ERBIN: variants seen among roughly 807,000 people sequenced by gnomAD.
ERBIN encodes the protein erbb2 interacting protein, also known as densin-180-like protein.
A neutral mutation model predicts 158.4 loss-of-function variants in ERBIN; 60 were observed. The ratio of observed to expected loss-of-function variants is 0.38; its 90% CI spans 0.31 to 0.47. The LOEUF is 0.47. ERBIN is among the 20% of genes least tolerant of loss of function. The pLI is 0.99. For synonymous variants in ERBIN, 594 were observed against 557.2 expected, an observed-to-expected ratio of 1.07 and a Z score of -0.93; for missense variants, 1,610 against 1,648.0, an observed-to-expected ratio of 0.98 and a Z score of 0.40.
At chr5:65,954,013 ACT>A (rs1435084837) in intron 1 of ERBIN, among the ~76,000 whole-genome samples, 2 of 151,852 alleles carry the variant, frequency 1.3e-5, no homozygotes, top group Non-Finnish European at 2.9e-5. Context: ...ACTCCCCTAC[ACT>A]CTCTACTCTC....
intron 1 of ERBIN, among the ~76,000 whole-genome samples, chr5:65,930,224 A>G (rs748018458): frequency 3.9e-5 from 6 of 152,194 alleles, no homozygotes; most frequent in South Asian, 4.1e-4. Context: ...ATCTTATTTT[A>G]TTAGCCCATT....
In ERBIN at chr5:66,006,381, C is replaced by T. The variant is rs866383230; in HGVS notation, c.308-5668C>T. On this transcript the variant is annotated intron_variant, in intron 4 of 25. Transcript: ENST00000284037. Reference sequence around the variant, plus strand: ...CTGGATCCCTTCCTTACACCTTATACGAAAATTAATTCACGATGGATTAAA... The same window carrying T: ...CTGGATCCCTTCCTTACACCTTATATGAAAATTAATTCACGATGGATTAAA... Among the ~76,000 whole-genome samples, 85 of 152,238 alleles carry T rather than the reference C, an allele frequency of 5.6e-4. No homozygotes were observed. The Middle Eastern group carries it at 0.014, about 24-fold the overall frequency.
chr5:65,942,427 G>A (rs186463975), intron 1 of ERBIN, among the ~76,000 whole-genome samples: 21 of 152,308 alleles, frequency 1.4e-4, no homozygotes, highest in African/African-American at 4.8e-4. Flanking sequence ...TCTAAGTGAG[G>A]AAATTCTGAG....
At chr5:65,972,060 C>T (rs1018301021) in intron 1 of ERBIN, among the ~76,000 whole-genome samples, 8 of 151,936 alleles carry the variant, frequency 5.3e-5, no homozygotes, top group African/African-American at 1.5e-4. Context: ...TTTGTGGTAA[C>T]CTTTTCTCAG....
At position 65,994,857 on chromosome 5, in the gene ERBIN, C is replaced by G. The variant is rs775038585; in HGVS notation, c.300C>G (p.Ser100Arg). ...NLINLRELDV[S>R]KNGIQEFPEN... ...TTAATCTCAGGGAACTGGATGTCAG[C>G]AAGAATGGTAAGGCTTTTTTTGCCC... The change falls in exon 4 of 26, where the codon AGC (serine) becomes AGG (arginine). Residue 100 changes from serine (S) to arginine (R), a missense_variant. Transcript: ENST00000284037. The G allele has an allele frequency of 6.3e-7, 1 of 1,592,820 alleles. No homozygotes were observed. The highest frequency in any genetic ancestry group is 8.5e-7 in the Non-Finnish European group (1 of 1,169,896).
At chr5:66,003,757 C>G (rs1428046662) in intron 4 of ERBIN, among the ~76,000 whole-genome samples, 1 of 151,984 alleles carries the variant, frequency 6.6e-6, no homozygotes, top group Non-Finnish European at 1.5e-5. Context: ...TGTATTAAGA[C>G]CAAGGACTAG....
chr5:66,018,754 A>G (rs1456260735), intron 7 of ERBIN, among the ~76,000 whole-genome samples: 4 of 147,152 alleles, frequency 2.7e-5, no homozygotes, highest in Non-Finnish European at 4.5e-5. Context: ...CTCCTGCCTC[A>G]GCCTCCTGAG....
chr5:65,986,663 G>A (rs1222554267), intron 1 of ERBIN, among the ~76,000 whole-genome samples: 3 of 152,228 alleles, frequency 2.0e-5, no homozygotes, highest in Non-Finnish European at 2.9e-5. Flanking sequence ...GTTTTAGGCT[G>A]TCTCACTTTG....
In ERBIN at chr5:66,025,910, T is replaced by C. The variant is rs976920162; in HGVS notation, c.953T>C (p.Ile318Thr). The change falls in exon 12 of 26, where the codon ATT becomes ACT. Residue 318 changes from isoleucine to threonine, a missense_variant. By Grantham distance (89) the Ile-to-Thr change is moderately conservative. Coordinates refer to ENST00000284037, the MANE Select transcript of ERBIN (RefSeq NM_001253697.2). ...GAAGTTGAAGCTTTGCCTTCATCTA[T>C]TGGGCAGCTTACTAACTTAAGAACT... ...FNEVEALPSS[I>T]GQLTNLRTFA... 8 of 1,594,062 alleles carry C rather than the reference T, an allele frequency of 5.0e-6. No individual in the cohort carries two copies. The highest frequency in any genetic ancestry group is 8.5e-7 in the Non-Finnish European group (1 of 1,169,912).
chr5:65,938,008 C>G (rs1286423545), intron 1 of ERBIN, among the ~76,000 whole-genome samples: 2 of 152,164 alleles, frequency 1.3e-5, no homozygotes, highest in Non-Finnish European at 1.5e-5. Context: ...GATAGCATAT[C>G]TCTTTCTAGG....
intron 24 of ERBIN, 161 bp from the exon 25 acceptor site, chr5:66,076,714 G>A (rs1762014012): frequency 1.6e-6 from 1 of 623,174 alleles, no homozygotes. Context: ...AATTACTAGA[G>A]GTAAAAATAA....
chr5:65,993,028 TGTATC>T, intron 3 of ERBIN, 121 bp downstream of exon 3: 1 of 754,018 alleles, frequency 1.3e-6, no homozygotes, highest in Non-Finnish European at 2.0e-6. Context: ...TTGGTTTAAT[TGTATC>T]GTAGAGTATG....
Position 65,967,003 on chromosome 5 carries a change from G to GTGTATGC in ERBIN, c.-57-21631_-57-21625dup, listed in dbSNP as rs1157138706. ...AAGGATATAGGAGCTGGGCCTGGTAGTGTATGCCTGGTAGTCCCAACTACT... is the reference window on the plus strand; with the variant it reads ...AAGGATATAGGAGCTGGGCCTGGTAGTGTATGCTGTATGCCTGGTAGTCCCAACTACT... On this transcript the variant is annotated intron_variant, in intron 1 of 25. Coordinates refer to ENST00000284037, the MANE Select transcript of ERBIN (RefSeq NM_001253697.2). 1.1e-4 allele frequency among the ~76,000 whole-genome samples: 16 copies of GTGTATGC among 152,276 alleles called. No homozygotes were observed. The East Asian group carries it at 2.9e-3, about 28-fold the overall frequency.
chr5:65,941,177 T>G (rs1447197870), intron 1 of ERBIN, among the ~76,000 whole-genome samples: 2 of 152,080 alleles, frequency 1.3e-5, no homozygotes, highest in East Asian at 3.9e-4. Context: ...ACACAAACAC[T>G]GTGGAAGGCC....
intron 21 of ERBIN, among the ~76,000 whole-genome samples, chr5:66,058,538 A>G (rs929534557): frequency 1.3e-5 from 2 of 150,922 alleles, no homozygotes; most frequent in African/African-American, 4.9e-5. Context: ...TCTTTAGTTT[A>G]ATTAGATCCC....
intron 23 of ERBIN, among the ~76,000 whole-genome samples, chr5:66,075,598 A>G (rs915144604): frequency 6.6e-6 from 1 of 152,222 alleles, no homozygotes; most frequent in Non-Finnish European, 1.5e-5. Context: ...TACAGACTTC[A>G]AACTACTTTG....
At chr5:65,993,663 G>A (rs757483982) in intron 3 of ERBIN, among the ~76,000 whole-genome samples, 2 of 152,020 alleles carry the variant, frequency 1.3e-5, no homozygotes, top group African/African-American at 2.4e-5. Flanking sequence ...TTTTGAAACC[G>A]TGCGTGGAGA....
intron 7 of ERBIN, among the ~76,000 whole-genome samples, chr5:66,020,368 TTTC>T (rs1178016621): frequency 6.6e-6 from 1 of 152,014 alleles, no homozygotes; most frequent in African/African-American, 2.4e-5. Flanking sequence ...AGTCTGTGTT[TTTC>T]GTGCCGTAAT....
At chr5:65,937,054 C>T (rs762411791) in intron 1 of ERBIN, among the ~76,000 whole-genome samples, 1 of 152,134 alleles carries the variant, frequency 6.6e-6, no homozygotes, top group Non-Finnish European at 1.5e-5. Flanking sequence ...TTTAAATCCA[C>T]GACTTACTAA....
Sources: allele counts gnomAD v4.1 joint callset (sites outside exome capture counted in the v4.1 genomes callset), GRCh38; gene constraint gnomAD v4.1.1; transcripts MANE v1.5; gene names NCBI Gene and HGNC (gene_info 2026-07-23, HGNC 2026-07-21).